TMEM132C: variants seen among roughly 807,000 people sequenced by gnomAD.
TMEM132C encodes the protein transmembrane protein 132C.
Under a neutral mutation model 61.4 loss-of-function variants are expected in TMEM132C, and 29 were observed. The observed-to-expected ratio is 0.47, with a 90% confidence interval of 0.35 to 0.64. The LOEUF (loss-of-function observed/expected upper bound fraction) is 0.64. Ranked by LOEUF, TMEM132C falls within the 30% of genes least tolerant of loss-of-function variation. The pLI, the probability that TMEM132C is intolerant of heterozygous loss-of-function variation, is 0.00. For synonymous variants in TMEM132C, 656 were observed against 633.1 expected, an observed-to-expected ratio of 1.04 and a Z score of -0.54; for missense variants, 1,408 against 1,476.9, an observed-to-expected ratio of 0.95 and a Z score of 0.76.
chr12:128,340,913 TCTTTC>T (rs1565906177), intron 1 of TMEM132C, among the ~76,000 whole-genome samples: 43 of 110,036 alleles, frequency 3.9e-4, no homozygotes, highest in African/African-American at 1.2e-3. Flanking sequence ...TTTCTCTCTC[TCTTTC>T]TCTCTCTCTC....
chr12:128,407,868 A>G (rs1414047139), intron 1 of TMEM132C, among the ~76,000 whole-genome samples: 2 of 151,446 alleles, frequency 1.3e-5, no homozygotes, highest in African/African-American at 2.4e-5. Flanking sequence ...GTGTAGATAC[A>G]GGAGATGGGG....
intron 1 of TMEM132C, among the ~76,000 whole-genome samples, chr12:128,380,553 C>T (rs188050904): frequency 5.3e-5 from 8 of 152,320 alleles, no homozygotes; most frequent in East Asian, 1.9e-4. Context: ...TCATTATTCA[C>T]GGTAGGTATC....
At chr12:128,434,469 G>A (rs1012974079) in intron 2 of TMEM132C, among the ~76,000 whole-genome samples, 1 of 151,968 alleles carries the variant, frequency 6.6e-6, no homozygotes, top group Non-Finnish European at 1.5e-5. Flanking sequence ...TGTATTTTTA[G>A]TGGAGATGGG....
At chr12:128,337,698 T>C (rs1436670884) in intron 1 of TMEM132C, among the ~76,000 whole-genome samples, 1 of 152,212 alleles carries the variant, frequency 6.6e-6, no homozygotes, top group East Asian at 1.9e-4. Flanking sequence ...TTTTGTTCCC[T>C]GCAGACCTTT....
intron 8 of TMEM132C, among the ~76,000 whole-genome samples, chr12:128,698,325 G>A (rs1011380135): frequency 1.1e-4 from 16 of 152,184 alleles, no homozygotes; most frequent in African/African-American, 3.6e-4. Context: ...GGATGGGCTC[G>A]TCTGACCCTA....
chr12:128,534,119 G>A (rs1873431978), intron 2 of TMEM132C, among the ~76,000 whole-genome samples: 1 of 152,158 alleles, frequency 6.6e-6, no homozygotes, highest in Non-Finnish European at 1.5e-5. Context: ...TTCAAAATTT[G>A]TACTGAACAT....
Position 128,669,437 on chromosome 12 carries a change from C to T in TMEM132C, c.1326C>T (p.Thr442=), listed in dbSNP as rs1032979036. The T allele has an allele frequency of 1.0e-5, 16 of 1,551,352 alleles. 1 individual carries two copies. Among genetic ancestry groups the T allele is most frequent in the Middle Eastern group, 1.7e-4 (1 of 6,014 alleles). The change falls in exon 5 of 9, where the codon ACC becomes ACT. Residue 442 remains threonine, a synonymous_variant. Coordinates refer to ENST00000435159, the MANE Select transcript of TMEM132C (RefSeq NM_001136103.3). ...GGCAGGACACTGAAATTCTGAACAC[C>T]GCCGTACTCACAGGAAAGACAGTTG... The part of the protein sequence containing the change: ...PLAMDTEILN[T]AVLTGKTVAM...
At chr12:128,686,146 G>T (rs540130842) in intron 5 of TMEM132C, among the ~76,000 whole-genome samples, 12 of 152,062 alleles carry the variant, frequency 7.9e-5, no homozygotes, top group Non-Finnish European at 1.5e-5. Context: ...GTGTGCATAT[G>T]TGTGTATGTG....
chr12:128,291,918 C>T (rs995784842), intron 1 of TMEM132C, among the ~76,000 whole-genome samples: 3 of 152,198 alleles, frequency 2.0e-5, no homozygotes, highest in East Asian at 1.9e-4. Flanking sequence ...TCAGGAACCC[C>T]GGCTGACCGG....
chr12:128,530,176 A>G (rs748042661), intron 2 of TMEM132C, among the ~76,000 whole-genome samples: 6 of 152,152 alleles, frequency 3.9e-5, no homozygotes, highest in Non-Finnish European at 7.3e-5. Flanking sequence ...CACCCAGGCT[A>G]ACGATGATTT....
At chr12:128,521,220 T>C (rs1235633470) in intron 2 of TMEM132C, among the ~76,000 whole-genome samples, 1 of 152,154 alleles carries the variant, frequency 6.6e-6, no homozygotes, top group Non-Finnish European at 1.5e-5. Flanking sequence ...ATCTCTGTTC[T>C]AAGAGACAGA....
At chr12:128,601,202 A>C (rs1339828576) in intron 3 of TMEM132C, among the ~76,000 whole-genome samples, 1 of 152,210 alleles carries the variant, frequency 6.6e-6, no homozygotes, top group East Asian at 1.9e-4. Flanking sequence ...AAAGGCTGAT[A>C]GCTTCAAAGG....
intron 1 of TMEM132C, among the ~76,000 whole-genome samples, chr12:128,392,786 TA>T (rs9300287): frequency 0.038 from 5,345 of 141,640 alleles, 101 homozygotes; most frequent in East Asian, 0.1. Context: ...GCTGATGAGC[TA>T]AAAAAAAAAA....
intron 3 of TMEM132C, among the ~76,000 whole-genome samples, chr12:128,607,741 C>T (rs571104782): frequency 1.3e-5 from 2 of 152,318 alleles, no homozygotes; most frequent in South Asian, 2.1e-4. Context: ...GGAGCATCAC[C>T]TGTGTGCCCG....
intron 4 of TMEM132C, among the ~76,000 whole-genome samples, chr12:128,629,364 T>G (rs1283545447): frequency 6.6e-6 from 1 of 152,060 alleles, no homozygotes; most frequent in Non-Finnish European, 1.5e-5. Flanking sequence ...AAAAAATTTT[T>G]TAAAAATGAG....
rs141865699 is a variant in TMEM132C, at chr12:128,562,270, C to T, written c.1121+18167C>T. Among the ~76,000 whole-genome samples the T allele has an allele frequency of 3.1e-4, 47 of 152,238 alleles. No individual in the cohort carries two copies. In the East Asian group the frequency reaches 8.5e-3, roughly 28 times the overall value. ...CAACACCTATTTTTTAAAAGCGGTA[C>T]GAAAAGAGACAGTCTCTTAACATAG... On this transcript the variant is annotated intron_variant, in intron 3 of 8. Coordinates refer to ENST00000435159, the MANE Select transcript of TMEM132C (RefSeq NM_001136103.3).
intron 2 of TMEM132C, among the ~76,000 whole-genome samples, chr12:128,486,876 AACACACACACACACACACACACACACAC>A (rs56407388): frequency 7.6e-6 from 1 of 131,136 alleles, no homozygotes; most frequent in East Asian, 2.1e-4. Flanking sequence ...TGTGCATGCA[AACACACACACACACACACACACACACAC>A]ACACACACAC....
chr12:128,377,335 G>A (rs1874224650), intron 1 of TMEM132C, among the ~76,000 whole-genome samples: 1 of 152,218 alleles, frequency 6.6e-6, no homozygotes, highest in East Asian at 1.9e-4. Flanking sequence ...TTATAGGCAT[G>A]AGCCACTGTG....
chr12:128,557,479 A>G (rs1440644582), intron 3 of TMEM132C, among the ~76,000 whole-genome samples: 1 of 152,198 alleles, frequency 6.6e-6, no homozygotes, highest in Non-Finnish European at 1.5e-5. Context: ...AAGCAGGTGC[A>G]TTTCAGAACT....
Sources: gnomAD v4.1 joint callset for allele counts (sites outside exome capture counted in the v4.1 genomes callset) on GRCh38, gnomAD v4.1.1 for gene constraint, MANE v1.5 for transcripts, NCBI Gene and HGNC (gene_info 2026-07-23, HGNC 2026-07-21) for gene names.